Variants in XRCC4 observed in about 807,000 individuals in gnomAD.
The protein encoded by XRCC4 is X-ray repair cross complementing 4, also known as DNA repair protein XRCC4.
In XRCC4, 28 loss-of-function variants were observed where a neutral mutation model predicts 39.1. That is an observed-to-expected ratio of 0.72 (90% CI 0.53 to 0.98). The LOEUF (loss-of-function observed/expected upper bound fraction) is 0.98, where lower values mean the gene tolerates loss of function less well. Among genes scored for constraint, XRCC4 ranks in the 50% least tolerant of loss-of-function variants. XRCC4 has a pLI of 0.00. For missense variants in XRCC4, 350 were observed against 376.4 expected (o/e 0.93, Z 0.58); for synonymous variants, 123 against 126.4 (o/e 0.97, Z 0.18).
chr5:83,344,415 C>T (rs1183180863), intron 7 of XRCC4, among the ~76,000 whole-genome samples: 2 of 115,226 alleles, frequency 1.7e-5, no homozygotes, highest in African/African-American at 3.7e-5. Flanking sequence ...TTATTTTTCA[C>T]TTTTTTTTTT....
At chr5:83,360,838 G>A in the XRCC4 span, among the ~76,000 whole-genome samples, 1 of 151,632 alleles carries the variant, frequency 6.6e-6, no homozygotes, top group African/African-American at 2.4e-5. Flanking sequence ...AGTAATGCTT[G>A]CTACCAAAAG....
At chr5:83,206,824 ATTAGT>A (rs1751441032) in intron 6 of XRCC4, among the ~76,000 whole-genome samples, 1 of 152,058 alleles carries the variant, frequency 6.6e-6, no homozygotes, top group Non-Finnish European at 1.5e-5. Context: ...CAAGTAGTAG[ATTAGT>A]TTAGCCAGGA....
intron 1 of XRCC4, among the ~76,000 whole-genome samples, chr5:83,080,733 T>G (rs1004305908): frequency 2.0e-5 from 3 of 152,152 alleles, no homozygotes; most frequent in African/African-American, 7.2e-5. Context: ...GTGCGTGTGT[T>G]CTAGGAATAC....
Position 83,213,056 on chromosome 5 carries a change from T to C in XRCC4, c.745+8135T>C, listed in dbSNP as rs1220912086. Among the ~76,000 whole-genome samples the C allele has an allele frequency of 2.0e-5, 3 of 151,404 alleles. No individual in the cohort carries two copies. The East Asian group carries it at 5.8e-4, about 29-fold the overall frequency. On this transcript the variant is annotated intron_variant, in intron 6 of 7. Coordinates refer to ENST00000396027, the MANE Select transcript of XRCC4 (RefSeq NM_003401.5). ...ACAGCATCAATATAACAACAGACATTATCTGAAGCAATGAAGGACAGAAGG... is the reference window on the plus strand; with the variant it reads ...ACAGCATCAATATAACAACAGACATCATCTGAAGCAATGAAGGACAGAAGG...
rs551255305 is a variant in XRCC4 at position 83,230,795 on chromosome 5, G to A, written c.745+25874G>A. Among the ~76,000 whole-genome samples, 126 of 152,068 alleles carry A rather than the reference G, an allele frequency of 8.3e-4. 1 individual carries two copies. Among genetic ancestry groups the A allele is most frequent in the Middle Eastern group, 3.4e-3 (1 of 294 alleles). ...TCTCTATTCATTTCATGTTTATGTA[G>A]GGGCCAAAAATTAAAAACTTTAACT... On this transcript the variant is annotated intron_variant, in intron 6 of 7. Transcript: ENST00000396027.
chr5:83,202,725 A>G (rs1005066228), intron 4 of XRCC4, among the ~76,000 whole-genome samples: 4 of 152,134 alleles, frequency 2.6e-5, no homozygotes, highest in Non-Finnish European at 5.9e-5. Flanking sequence ...ACATAAAATA[A>G]TTTGTATTTG....
rs59416363 is a variant in XRCC4 at position 83,217,358 on chromosome 5, C to CAAAAAAAAAAAAAAAAAAAAAAAAAAAA, written c.745+12456_745+12457insAAAAAAAAAAAAAAAAAAAAAAAAAAAA. Among the ~76,000 whole-genome samples the CAAAAAAAAAAAAAAAAAAAAAAAAAAAA allele has an allele frequency of 1.7e-4, 16 of 96,138 alleles. 1 individual carries two copies. The highest frequency in any genetic ancestry group is 7.1e-4 in the African/African-American group (15 of 21,250). 63.1% of individuals were successfully genotyped at this position (96,138 alleles called of 152,430 possible). A position where few individuals can be genotyped will look rare whatever the true frequency, so the allele number is the denominator to read the frequency against. Reference sequence around the variant, plus strand: ...GGCAGCGCAGAGCAAGACTCCGTCTCAAAAAAAAAAAAAAAAAAACCATTG... The same window carrying CAAAAAAAAAAAAAAAAAAAAAAAAAAAA: ...GGCAGCGCAGAGCAAGACTCCGTCTCAAAAAAAAAAAAAAAAAAAAAAAAAAAAAAAAAAAAAAAAAAAAAAACCATTG... On this transcript the variant is annotated intron_variant, in intron 6 of 7. Transcript: ENST00000396027.
chr5:83,101,325 G>A (rs767004547), intron 1 of XRCC4, among the ~76,000 whole-genome samples: 28 of 151,946 alleles, frequency 1.8e-4, no homozygotes, highest in Non-Finnish European at 2.5e-4. Context: ...AGTATCAGGC[G>A]TTACAGTATT....
At chr5:83,212,943 A>C (rs895847502) in intron 6 of XRCC4, among the ~76,000 whole-genome samples, 4 of 143,926 alleles carry the variant, frequency 2.8e-5, no homozygotes, top group East Asian at 2.5e-4. Flanking sequence ...AAAAAAAAAC[A>C]CCAAAATAAA....
At position 83,080,025 on chromosome 5, in the gene XRCC4, G is replaced by A. The variant is rs77465092; in HGVS notation, c.-11+2410G>A. Among the ~76,000 whole-genome samples, 466 of 152,242 alleles carry A rather than the reference G, an allele frequency of 3.1e-3. 11 individuals are homozygous for A. In the East Asian group the frequency reaches 0.078, roughly 25 times the overall value. ...AGTAAATCATCTAGGCAAATGTTTG[G>A]CATACAGTAAGCACTCAGAAAGTGT... On this transcript the variant is annotated intron_variant, in intron 1 of 7. Coordinates refer to ENST00000396027, the MANE Select transcript of XRCC4 (RefSeq NM_003401.5).
intron 1 of XRCC4, among the ~76,000 whole-genome samples, chr5:83,081,710 A>C (rs1744948282): frequency 6.6e-6 from 1 of 152,192 alleles, no homozygotes; most frequent in African/African-American, 2.4e-5. Flanking sequence ...TGTATGTCTT[A>C]TTTCTTTTAC....
At chr5:83,185,399 T>C (rs1750391486) in intron 3 of XRCC4, among the ~76,000 whole-genome samples, 1 of 145,756 alleles carries the variant, frequency 6.9e-6, no homozygotes, top group Admixed American at 6.8e-5. Flanking sequence ...TAAGGTATGA[T>C]TGATATACAA....
intron 3 of XRCC4, among the ~76,000 whole-genome samples, chr5:83,173,205 T>C (rs575895339): frequency 6.6e-6 from 1 of 152,268 alleles, no homozygotes; most frequent in South Asian, 2.1e-4. Flanking sequence ...ACAGATTCAA[T>C]AAAGCTGAAA....
intron 6 of XRCC4, among the ~76,000 whole-genome samples, chr5:83,239,059 A>G (rs1752803144): frequency 6.6e-6 from 1 of 152,172 alleles, no homozygotes; most frequent in African/African-American, 2.4e-5. Flanking sequence ...TTTGCTGGGG[A>G]GAATAGATGT....
chr5:83,373,596 A>G, the XRCC4 span, among the ~76,000 whole-genome samples: 1 of 152,178 alleles, frequency 6.6e-6, no homozygotes. Flanking sequence ...GAGTTCCATA[A>G]TGAGAAATTG....
At chr5:83,300,658 G>A (rs1202679450) in intron 7 of XRCC4, among the ~76,000 whole-genome samples, 1 of 146,904 alleles carries the variant, frequency 6.8e-6, no homozygotes, top group Non-Finnish European at 1.5e-5. Flanking sequence ...GTATACATGT[G>A]CCATGGTGGT....
intron 6 of XRCC4, among the ~76,000 whole-genome samples, chr5:83,245,263 T>C (rs1347302820): frequency 6.6e-6 from 1 of 151,940 alleles, no homozygotes; most frequent in African/African-American, 2.4e-5. Flanking sequence ...AGCGCTTAAA[T>C]CATTAGAGTA....
chr5:83,143,050 C>A (rs1454037701), intron 3 of XRCC4, among the ~76,000 whole-genome samples: 1 of 152,044 alleles, frequency 6.6e-6, no homozygotes, highest in Admixed American at 6.6e-5. Flanking sequence ...AAATAGTTAC[C>A]AGTGACAGTA....
chr5:83,103,436 A>G lies in XRCC4; in HGVS notation c.-10-1474A>G, dbSNP rs192684413. On this transcript the variant is annotated intron_variant, in intron 1 of 7. Coordinates refer to ENST00000396027, the MANE Select transcript of XRCC4 (RefSeq NM_003401.5). ...ATGAAAACCATGGAAAATGTTTGCA[A>G]GAATGTGCAGTAATCAGAATTCTCA... Among the ~76,000 whole-genome samples the G allele has an allele frequency of 2.1e-4, 32 of 149,378 alleles. 1 individual carries two copies. The East Asian group carries it at 6.0e-3, about 28-fold the overall frequency.
Sources: allele counts gnomAD v4.1 joint callset (sites outside exome capture counted in the v4.1 genomes callset), GRCh38; gene constraint gnomAD v4.1.1; transcripts MANE v1.5; gene names NCBI Gene and HGNC (gene_info 2026-07-23, HGNC 2026-07-21).